Variants in PKHD1 observed in about 807,000 individuals in gnomAD.
The protein encoded by PKHD1 is PKHD1 ciliary IPT domain containing fibrocystin/polyductin, also known as fibrocystin.
PKHD1 carries 291 observed loss-of-function variants against 412.0 expected under a neutral mutation model. That is an observed-to-expected ratio of 0.71 (90% CI 0.64 to 0.78). The LOEUF is 0.78. PKHD1 is among the 30% of genes least tolerant of loss of function. The pLI, the probability that PKHD1 is intolerant of heterozygous loss-of-function variation, is 0.00. For missense variants in PKHD1, 4,825 were observed against 4,950.7 expected, an observed-to-expected ratio of 0.97 and a Z score of 0.76; for synonymous variants, 1,777 against 1,821.5, an observed-to-expected ratio of 0.98 and a Z score of 0.62.
At chr6:52,008,961 C>T (rs1316426470) in intron 35 of PKHD1, among the ~76,000 whole-genome samples, 1 of 152,130 alleles carries the variant, frequency 6.6e-6, no homozygotes, top group Admixed American at 6.5e-5. Flanking sequence ...TATTACGCAC[C>T]CAGCAGAAAC....
intron 50 of PKHD1, among the ~76,000 whole-genome samples, chr6:51,847,175 G>A (rs1016002091): frequency 6.6e-6 from 1 of 151,116 alleles, no homozygotes; most frequent in African/African-American, 2.4e-5. Context: ...TGTCTAGGCT[G>A]ATATCAAACT....
intron 35 of PKHD1, 61 bp from the exon 36 acceptor site, chr6:51,960,087 T>C (rs1264404871): frequency 5.2e-6 from 8 of 1,549,746 alleles, no homozygotes; most frequent in Admixed American, 1.7e-5. Context: ...TGTTGCTTCG[T>C]TGGTTGGTTC....
Position 51,659,120 on chromosome 6 carries a change from G to A in PKHD1, c.11006C>T (p.Ser3669Leu), listed in dbSNP as rs554782195. 125 of 1,613,776 alleles carry A rather than the reference G, an allele frequency of 7.7e-5. No individual in the cohort carries two copies. Among genetic ancestry groups the A allele is most frequent in the South Asian group, 2.5e-4 (23 of 91,080 alleles). The change falls in exon 61 of 67, where the codon TCG (serine) becomes TTG (leucine). Residue 3669 changes from serine to leucine, a missense_variant. Transcript: ENST00000371117. Reference protein sequence around the residue: ...SKVIVIEIGDSPTVRSTGMIS... With the variant: ...SKVIVIEIGDLPTVRSTGMIS... ...CATTCCAGTGCTCCTTACTGTTGGC[G>A]AATCACCAATTTCAATGACAATCAC...
At chr6:51,919,743 G>T (rs1784397095) in intron 37 of PKHD1, among the ~76,000 whole-genome samples, 1 of 152,162 alleles carries the variant, frequency 6.6e-6, no homozygotes, top group African/African-American at 2.4e-5. Flanking sequence ...TCACGATATT[G>T]ATTCTTCCTA....
At chr6:51,813,521 A>C (rs577966840) in intron 52 of PKHD1, among the ~76,000 whole-genome samples, 80 of 152,282 alleles carry the variant, frequency 5.3e-4, no homozygotes, top group African/African-American at 1.8e-3. Context: ...TCAAAAAATA[A>C]ATGTGAATAT....
intron 52 of PKHD1, among the ~76,000 whole-genome samples, chr6:51,821,345 A>C (rs1766385736): frequency 6.6e-6 from 1 of 152,172 alleles, no homozygotes; most frequent in African/African-American, 2.4e-5. Flanking sequence ...AGGTTTTATC[A>C]CTGAAAGTCC....
chr6:51,977,232 A>ATT (rs1395364888), intron 35 of PKHD1, among the ~76,000 whole-genome samples: 23 of 152,198 alleles, frequency 1.5e-4, no homozygotes, highest in Non-Finnish European at 3.1e-4. Context: ...GGCAACCCTC[A>ATT]GTATATATGC....
chr6:51,959,216 G>C lies in PKHD1; in HGVS notation c.5908+654C>G, dbSNP rs185589707. 2.0e-5 allele frequency among the ~76,000 whole-genome samples: 3 copies of C among 152,126 alleles called. No homozygotes were observed. In the East Asian group the frequency reaches 5.8e-4, roughly 29 times the overall value. ...AATTTTCATTTGCCAATGAACAGAG[G>C]CATTTTGATAACTATTCCTTATTTC... On this transcript the variant is annotated intron_variant, in intron 36 of 66. Coordinates refer to ENST00000371117, the MANE Select transcript of PKHD1 (RefSeq NM_138694.4).
chr6:51,774,746 T>G (rs1452953570), intron 54 of PKHD1, among the ~76,000 whole-genome samples: 1 of 151,796 alleles, frequency 6.6e-6, no homozygotes, highest in Non-Finnish European at 1.5e-5. Context: ...AATATTAAAT[T>G]TATATCTCAT....
intron 36 of PKHD1, among the ~76,000 whole-genome samples, chr6:51,944,262 AC>A: frequency 6.7e-6 from 1 of 150,210 alleles, no homozygotes; most frequent in East Asian, 2.0e-4. Flanking sequence ...CCAGAGAACA[AC>A]CCCCCTTTTT....
At chr6:51,853,265 C>T (rs1002915589) in intron 49 of PKHD1, among the ~76,000 whole-genome samples, 2 of 152,170 alleles carry the variant, frequency 1.3e-5, no homozygotes, top group Non-Finnish European at 2.9e-5. Context: ...AGAGTTTCTC[C>T]TGAGAAGTCT....
intron 11 of PKHD1, 60 bp from the exon 12 acceptor site, chr6:52,066,137 G>T: frequency 1.3e-6 from 1 of 754,588 alleles, no homozygotes; most frequent in Non-Finnish European, 2.3e-6. Context: ...ATATGACCTA[G>T]ATAATAATAT....
chr6:51,848,000 T>C, intron 49 of PKHD1, 30 bp from the exon 50 acceptor site: 3 of 1,512,488 alleles, frequency 2.0e-6, no homozygotes, highest in Non-Finnish European at 2.8e-6. Context: ...ACAATAGTGC[T>C]CATTTAGTAA....
At chr6:51,702,041 C>T (rs933259283) in intron 60 of PKHD1, among the ~76,000 whole-genome samples, 4 of 150,180 alleles carry the variant, frequency 2.7e-5, no homozygotes, top group Non-Finnish European at 5.9e-5. Context: ...AGTCATTATA[C>T]AAGAAAACTA....
chr6:51,713,701 C>A (rs1562150765), intron 60 of PKHD1, among the ~76,000 whole-genome samples: 1 of 152,126 alleles, frequency 6.6e-6, no homozygotes, highest in Non-Finnish European at 1.5e-5. Flanking sequence ...ATGGACAATA[C>A]CTGTTCCTTC....
Position 51,868,047 on chromosome 6 carries a change from G to A in PKHD1, c.7549C>T (p.Pro2517Ser), listed in dbSNP as rs138859228. 8 of 1,611,282 alleles carry A rather than the reference G, an allele frequency of 5.0e-6. No homozygotes were observed. In the East Asian group the frequency reaches 1.8e-4, roughly 36 times the overall value. ...TCCAAAATTGCTGCATGAGGAAATG[G>A]AAATGCCACTAAGTTTGAAGAGTTT... Reference protein sequence around the residue: ...FTNSSNLVAFPFPHAAILEDL... With the variant: ...FTNSSNLVAFSFPHAAILEDL... The change falls in exon 48 of 67, where the codon CCA becomes TCA. Residue 2517 changes from proline to serine, a missense_variant. Transcript: ENST00000371117.
At chr6:51,794,177 C>T (rs1260911148) in intron 52 of PKHD1, among the ~76,000 whole-genome samples, 1 of 151,722 alleles carries the variant, frequency 6.6e-6, no homozygotes, top group Non-Finnish European at 1.5e-5. Context: ...GCTGGGACTA[C>T]AGGTGTCCGC....
rs113017892 is a variant in PKHD1, at chr6:51,842,363, G to A, written c.8107+5412C>T. On this transcript the variant is annotated intron_variant, in intron 50 of 66. Coordinates refer to ENST00000371117, the MANE Select transcript of PKHD1 (RefSeq NM_138694.4). ...GAGGGGGATCAAGCTAGGGGAAGGGGCTGTGTTTAATGCACCCTGCCACAA... is the reference window on the plus strand; with the variant it reads ...GAGGGGGATCAAGCTAGGGGAAGGGACTGTGTTTAATGCACCCTGCCACAA... 8.7e-3 allele frequency among the ~76,000 whole-genome samples: 1,327 copies of A among 152,228 alleles called. 19 individuals are homozygous for A. Among genetic ancestry groups the A allele is most frequent in the African/African-American group, 0.031 (1,268 of 41,536 alleles).
Position 52,082,452 on chromosome 6 carries a change from C to T in PKHD1, c.221G>A (p.Ser74Asn), listed in dbSNP as rs1195023649. 3.1e-6 allele frequency: 5 copies of T among 1,614,160 alleles called. No individual in the cohort carries two copies. The Admixed American group carries it at 8.3e-5, about 27-fold the overall frequency. Residue 74 changes from serine to asparagine, a missense_variant, in exon 4 of 67, where the codon AGT (serine) becomes AAT (asparagine). Coordinates refer to ENST00000371117, the MANE Select transcript of PKHD1 (RefSeq NM_138694.4). ...AACAGGAAAGACGTCACAGGGAACA[C>T]TCCGCAGTGCGGGCACCACCATGTT... ...NVNMVVPALR[S>N]VPCDVFPVFL... is the part of the protein sequence containing the mutation.
Sources: allele counts gnomAD v4.1 joint callset (sites outside exome capture counted in the v4.1 genomes callset), GRCh38; gene constraint gnomAD v4.1.1; transcripts MANE v1.5; gene names NCBI Gene and HGNC (gene_info 2026-07-23, HGNC 2026-07-21).